The following SLC4A2 variants were observed in gnomAD, a reference collection of about 807,000 sequenced individuals.
SLC4A2 encodes solute carrier family 4 member 2, also known as anion exchange protein 2.
SLC4A2 carries 36 observed loss-of-function variants against 115.0 expected under a neutral mutation model. The observed-to-expected ratio is 0.31, with a 90% CI of 0.24 to 0.41. The LOEUF (loss-of-function observed/expected upper bound fraction) is 0.41. Ranked by LOEUF, SLC4A2 falls within the 10% of genes least tolerant of loss-of-function variation. The pLI, the probability that SLC4A2 is intolerant of heterozygous loss-of-function variation, is 1.00. For synonymous variants in SLC4A2, 708 were observed against 708.3 expected (o/e 1.00, Z 0.01); for missense variants, 1,252 against 1,705.6 (o/e 0.73, Z 4.68).
intron 9 of SLC4A2, 35 bp from the exon 10 acceptor site, chr7:151,070,146 A>C (rs763738145): frequency 5.0e-5 from 80 of 1,613,658 alleles, no homozygotes; most frequent in Non-Finnish European, 6.4e-5. Context: ...CTTGTCATTG[A>C]CCCTCCTTTG....
rs756409915 is a variant in SLC4A2, at chr7:151,075,179, G to A, written c.3048-76G>A. 25 of 1,582,530 alleles carry A rather than the reference G, an allele frequency of 1.6e-5. No homozygotes were observed. In the East Asian group the frequency reaches 3.8e-4, roughly 24 times the overall value. On this transcript the variant is annotated intron_variant, in intron 19 of 22. Coordinates refer to ENST00000413384, the MANE Select transcript of SLC4A2 (RefSeq NM_003040.4). ...CCAAAGCCAGATGGAGGGACTGGCT[G>A]GGCATTCTGGAAAGACCCTGTGGTC...
intron 8 of SLC4A2, among the ~76,000 whole-genome samples, chr7:151,068,309 A>C (rs975547688): frequency 3.9e-5 from 6 of 152,208 alleles, no homozygotes; most frequent in African/African-American, 7.2e-5. Context: ...AATTCCTGGC[A>C]TGCCTTGGTA....
Position 151,071,416 on chromosome 7 carries a change from G to A in SLC4A2, c.2002G>A (p.Gly668Arg), listed in dbSNP as rs562921530. 6.2e-7 allele frequency: 1 copy of A among 1,601,294 alleles called. No homozygotes were observed. The highest frequency in any genetic ancestry group is 8.5e-7 in the Non-Finnish European group (1 of 1,178,306). The change falls in exon 14 of 23, where the codon GGG (glycine) becomes AGG (arginine). Residue 668 changes from glycine (G) to arginine (R), a missense_variant. Physicochemically the swap from Gly to Arg is moderately radical, Grantham distance 125 (BLOSUM62 -2). Around this residue, in one of 14 missense-constraint regions of SLC4A2, gnomAD observed 122 missense variants for 116.8 expected, o/e 1.04. Transcript: ENST00000413384. The surrounding 1 kb of genome is among the most constrained non-coding windows in gnomAD (Gnocchi z 5.5). The part of the protein sequence containing the change: ...KALLQMVEAA[G>R]AAEDDPLRRT... ...GCTCCTGCAGATGGTAGAGGCGGCA[G>A]GGGCAGCTGAAGATGATCCCCTTCG...
In SLC4A2 at chr7:151,075,656, C is replaced by A. The variant is rs1328243430; in HGVS notation, c.3352C>A (p.Leu1118Ile). The change falls in exon 21 of 23, where the codon CTC (leucine) becomes ATC (isoleucine). Residue 1118 changes from leucine to isoleucine, a missense_variant. Around this residue, in one of 14 missense-constraint regions of SLC4A2, gnomAD observed 253 missense variants for 407.4 expected, o/e 0.62. Coordinates refer to ENST00000413384, the MANE Select transcript of SLC4A2 (RefSeq NM_003040.4). ...GCTCCGGCAGATCCCCCTGGCCGTG[C>A]TCTTTGGAATTTTCCTGTACATGGG... is the stretch of plus-strand genomic sequence containing the variant. ...DLLRQIPLAV[L>I]FGIFLYMGVT... The A allele has an allele frequency of 6.2e-7, 1 of 1,608,090 alleles. No homozygotes were observed. Among genetic ancestry groups the A allele is most frequent in the South Asian group, 1.1e-5 (1 of 91,060 alleles).
Position 151,071,052 on chromosome 7 carries a change from TC to T in SLC4A2, c.1750-16del, listed in dbSNP as rs1563356386. On this transcript the variant is annotated intron_variant, in intron 12 of 22. Transcript: ENST00000413384. This position sits in a 1 kb window ranked among gnomAD's most constrained non-coding sequence, Gnocchi z 5.5. ...GCCCTCTTCTTTGTGCTCTCCCCCA[TC>T]CCCATGCTGCTTTGGCAGCAATTCC... is the stretch of plus-strand genomic sequence containing the variant. 3 of 1,611,212 alleles carry T rather than the reference TC, an allele frequency of 1.9e-6. No individual in the cohort carries two copies. The highest frequency in any genetic ancestry group is 1.7e-6 in the Non-Finnish European group (2 of 1,179,094).
chr7:151,061,961 G>T lies in SLC4A2; in HGVS notation c.-27G>T. The T allele has an allele frequency of 6.2e-7, 1 of 1,607,570 alleles. No homozygotes were observed. Among genetic ancestry groups the T allele is most frequent in the South Asian group, 1.1e-5 (1 of 90,638 alleles). The stretch of plus-strand genomic sequence containing the variant: ...GCCTCGTTGCCCTGAAAGCCGCAGC[G>T]ACAGCGAAAAGGGCTAAGATTCGGC... On this transcript the variant is annotated 5_prime_UTR_variant, in exon 2 of 23. Transcript: ENST00000413384.
chr7:151,074,729 G>C lies in SLC4A2; in HGVS notation c.2935G>C (p.Val979Leu). 1 of 1,612,674 alleles carries C rather than the reference G, an allele frequency of 6.2e-7. No homozygotes were observed. Among genetic ancestry groups the C allele is most frequent in the East Asian group, 2.2e-5 (1 of 44,872 alleles). The change falls in exon 19 of 23, where the codon GTC becomes CTC. Residue 979 changes from valine to leucine, a missense_variant. Coordinates refer to ENST00000413384, the MANE Select transcript of SLC4A2 (RefSeq NM_003040.4). The stretch of plus-strand genomic sequence containing the variant: ...GACTGCCCCAGAAAAGAGGGGCTGG[G>C]TCATCAACCCCCTGGGAGAGAAGAG... ...SVTAPEKRGW[V>L]INPLGEKSPF...
At chr7:151,059,231 C>G (rs1796968994), upstream of SLC4A2, 1 of 152,286 alleles carries the variant, frequency 6.6e-6, no homozygotes. The surrounding 1 kb of genome is among the most constrained non-coding windows in gnomAD (Gnocchi z 5.8). Context: ...CCTTCTCACC[C>G]ACTCGCCACC....
At position 151,074,719 on chromosome 7, in the gene SLC4A2, G is replaced by A; in HGVS notation, c.2925G>A (p.Lys975=). The change falls in exon 19 of 23, where the codon AAG becomes AAA. Residue 975 remains lysine (K), a synonymous_variant. Coordinates refer to ENST00000413384, the MANE Select transcript of SLC4A2 (RefSeq NM_003040.4). Reference sequence around the variant, plus strand: ...GATTCTCGGTGACTGCCCCAGAAAAGAGGGGCTGGGTCATCAACCCCCTGG... The same window carrying A: ...GATTCTCGGTGACTGCCCCAGAAAAAAGGGGCTGGGTCATCAACCCCCTGG... ...PSGFSVTAPE[K]RGWVINPLGE... is the part of the protein sequence containing the mutation. The A allele has an allele frequency of 4.4e-6, 7 of 1,608,546 alleles. No homozygotes were observed. The highest frequency in any genetic ancestry group is 5.9e-6 in the Non-Finnish European group (7 of 1,178,254).
At position 151,072,013 on chromosome 7, in the gene SLC4A2, C is replaced by T. The variant is rs1157063907; in HGVS notation, c.2412C>T (p.Ala804=). 2.5e-6 allele frequency: 4 copies of T among 1,613,536 alleles called. No individual in the cohort carries two copies. The highest frequency in any genetic ancestry group is 2.2e-5 in the East Asian group (1 of 44,830). Residue 804 remains alanine (A), a synonymous_variant, in exon 16 of 23, where the codon GCC becomes GCT. Transcript: ENST00000413384. ...VWIGFWLVFL[A]LLMVALEGSF... ...TCGGCTTCTGGCTGGTGTTCCTGGC[C>T]CTGCTCATGGTGGCCCTGGAGGGGA...
In SLC4A2 at chr7:151,064,321, T is replaced by A. The variant is rs1797153888; in HGVS notation, c.171T>A (p.Arg57=). ...AGATCCTACAGGAGGCCGGGTCTCG[T>A]GGAGGGGAGGAGCCAGGCCGCAGCT... The part of the protein sequence containing the change: ...FEEILQEAGS[R]GGEEPGRSYG... The change falls in exon 3 of 23, where the codon CGT becomes CGA. Residue 57 remains arginine (R), a synonymous_variant. Coordinates refer to ENST00000413384, the MANE Select transcript of SLC4A2 (RefSeq NM_003040.4). 1.4e-6 allele frequency: 2 copies of A among 1,475,648 alleles called. No homozygotes were observed. The highest frequency in any genetic ancestry group is 1.8e-6 in the Non-Finnish European group (2 of 1,106,836). The allele number at this position is 1,475,648 out of a possible 1,614,324, so 91.4% of individuals were successfully genotyped here.
In SLC4A2 at chr7:151,076,517, G is replaced by A. The variant is rs940498346; in HGVS notation, c.*150G>A. On this transcript the variant is annotated 3_prime_UTR_variant, in exon 23 of 23. Coordinates refer to ENST00000413384, the MANE Select transcript of SLC4A2 (RefSeq NM_003040.4). ...ACTGCCCCTGCAGTAAAGTGCTTTGGCCCCCACCTATCTGTGGCCTTTTGT... is the reference window on the plus strand; with the variant it reads ...ACTGCCCCTGCAGTAAAGTGCTTTGACCCCCACCTATCTGTGGCCTTTTGT... 6 of 730,702 alleles carry A rather than the reference G, an allele frequency of 8.2e-6. No individual in the cohort carries two copies. The highest frequency in any genetic ancestry group is 3.4e-5 in the Admixed American group (1 of 29,774). 45.3% of individuals were successfully genotyped at this position (730,702 alleles called of 1,614,324 possible). A position where few individuals can be genotyped will look rare whatever the true frequency, so the allele number is the denominator to read the frequency against.
intron 16 of SLC4A2, among the ~76,000 whole-genome samples, chr7:151,072,871 C>T (rs1047335917): frequency 2.6e-5 from 4 of 151,956 alleles, no homozygotes; most frequent in Non-Finnish European, 5.9e-5. Flanking sequence ...ACCATGTTGG[C>T]CAGGCTGGTC....
intron 8 of SLC4A2, among the ~76,000 whole-genome samples, chr7:151,068,317 G>T (rs1317003878): frequency 6.6e-6 from 1 of 152,152 alleles, no homozygotes; most frequent in African/African-American, 2.4e-5. Context: ...GCATGCCTTG[G>T]TACCATCTTA....
At chr7:151,063,138 C>A in intron 2 of SLC4A2, 2 of 1,518,598 alleles carry the variant, frequency 1.3e-6, no homozygotes, top group Middle Eastern at 1.9e-4. Context: ...GCGCCGCATT[C>A]CCTGCCGGCT....
intron 19 of SLC4A2, 109 bp from the exon 20 acceptor site, chr7:151,075,146 G>T (rs377532944): frequency 7.4e-5 from 106 of 1,435,476 alleles, no homozygotes; most frequent in Middle Eastern, 1.7e-4. Context: ...GACAGGGACC[G>T]CCAGGTTCCA....
chr7:151,068,201 C>G (rs773569828), intron 8 of SLC4A2, 147 bp downstream of exon 8: 5 of 548,524 alleles, frequency 9.1e-6, no homozygotes, highest in Non-Finnish European at 1.2e-5. Flanking sequence ...TTTGCATTTT[C>G]GGCCAGCAGC....
At position 151,064,199 on chromosome 7, in the gene SLC4A2, CAGCCAG is replaced by C; in HGVS notation, c.58_63del (p.Pro20_Glu21del). The C allele has an allele frequency of 6.2e-7, 1 of 1,611,722 alleles. No individual in the cohort carries two copies. The highest frequency in any genetic ancestry group is 8.5e-7 in the Non-Finnish European group (1 of 1,179,496). Reference sequence around the variant, plus strand: ...TGTTTTCTCTCTGCCTTCTTCCTCACAGCCAGAGCCAGAGAGCTTGGGCCCTGGGAC... The same window carrying C: ...TGTTTTCTCTCTGCCTTCTTCCTCACAGCCAGAGAGCTTGGGCCCTGGGAC... On this transcript the variant is annotated splice_acceptor_variant and coding_sequence_variant, in exon 3 of 23. Transcript: ENST00000413384. LOFTEE classifies it high-confidence loss of function.
chr7:151,068,045 C>A lies in SLC4A2; in HGVS notation c.1138C>A (p.Leu380Met). 6.6e-7 allele frequency: 1 copy of A among 1,518,408 alleles called. No homozygotes were observed. Among genetic ancestry groups the A allele is most frequent in the Non-Finnish European group, 8.8e-7 (1 of 1,138,512 alleles). The allele number at this position is 1,518,408 out of a possible 1,614,324, so 94.1% of individuals were successfully genotyped here. A position where few individuals can be genotyped will look rare whatever the true frequency, so the allele number is the denominator to read the frequency against. The change falls in exon 8 of 23, where the codon CTG (leucine) becomes ATG (methionine). Residue 380 changes from leucine (L) to methionine (M), a missense_variant. This residue lies in a region of SLC4A2 where 29 missense variants were observed against 80.9 expected (regional missense o/e 0.36). Transcript: ENST00000413384. Reference protein sequence around the residue: ...FRSLLELRRTLAHGAVLLDLD... With the variant: ...FRSLLELRRTMAHGAVLLDLD... Reference sequence around the variant, plus strand: ...CAGTCTCCTGGAGCTCCGCAGGACCCTGGCCCATGGTAACCCCGCTCCCCT... The same window carrying A: ...CAGTCTCCTGGAGCTCCGCAGGACCATGGCCCATGGTAACCCCGCTCCCCT...
Sources: allele counts gnomAD v4.1 joint callset (sites outside exome capture counted in the v4.1 genomes callset), GRCh38; gene constraint gnomAD v4.1.1; regional missense constraint gnomAD v4.1.1; non-coding constraint Gnocchi (gnomAD v3.1); transcripts MANE v1.5; gene names NCBI Gene and HGNC (gene_info 2026-07-23, HGNC 2026-07-21).